Variants in SYNJ2 observed in about 807,000 individuals in gnomAD.
SYNJ2 encodes the protein synaptojanin 2.
SYNJ2 carries 116 observed loss-of-function variants against 141.3 expected under a neutral mutation model. The observed-to-expected ratio is 0.82, with a 90% CI of 0.71 to 0.96. The LOEUF is 0.96. Among genes scored for constraint, SYNJ2 ranks in the 40% least tolerant of loss-of-function variants. The pLI is 0.00. For missense variants in SYNJ2, 1,873 were observed against 1,934.8 expected (o/e 0.97, Z 0.60); for synonymous variants, 745 against 777.7 (o/e 0.96, Z 0.70).
chr6:158,035,310 T>G (rs1194412065), intron 4 of SYNJ2, among the ~76,000 whole-genome samples: 1 of 152,250 alleles, frequency 6.6e-6, no homozygotes. Flanking sequence ...TTCTTATCCA[T>G]GAGGATGGAA....
chr6:158,042,545 C>G (rs74399203), intron 4 of SYNJ2, among the ~76,000 whole-genome samples: 2 of 152,262 alleles, frequency 1.3e-5, no homozygotes, highest in African/African-American at 2.4e-5. Context: ...GCCGCCTGCC[C>G]CTGCTGGCGC....
In SYNJ2 at chr6:158,098,466, CAAATT is replaced by C. The variant is rs1172612327; in HGVS notation, c.*2103_*2107del. On this transcript the variant is annotated 3_prime_UTR_variant, in exon 27 of 27. Coordinates refer to ENST00000355585, the MANE Select transcript of SYNJ2 (RefSeq NM_003898.4). ...TTAAATATTATTTGATCGTGGCTGT[CAAATT>C]TAGTGAACAACATAGATTGGATTTG... 2 of 149,968 alleles carry C rather than the reference CAAATT, an allele frequency of 1.3e-5. No individual in the cohort carries two copies. The highest frequency in any genetic ancestry group is 3.0e-5 in the Non-Finnish European group (2 of 67,766). The allele number at this position is 149,968 out of a possible 1,614,324, so 9.3% of individuals were successfully genotyped here. A position where few individuals can be genotyped will look rare whatever the true frequency, so the allele number is the denominator to read the frequency against.
intron 22 of SYNJ2, among the ~76,000 whole-genome samples, chr6:158,085,024 C>CT (rs751916726): frequency 0.13 from 18,300 of 141,972 alleles, 1,379 homozygotes; most frequent in African/African-American, 0.21. Context: ...AATAATACAA[C>CT]TTTTTTTTTT....
rs1783788545 is a variant in SYNJ2, at chr6:158,096,143, C to A, written c.4270C>A (p.Leu1424Met). Residue 1424 changes from leucine to methionine, a missense_variant, in exon 27 of 27, where the codon CTG becomes ATG. By Grantham distance (15) the Leu-to-Met change is conservative. Coordinates refer to ENST00000355585, the MANE Select transcript of SYNJ2 (RefSeq NM_003898.4). ...CTGGAACCTTCTTCACCACCCTAAACTGTTGAATAACACTTGGCTTTCTAA... is the reference window on the plus strand; with the variant it reads ...CTGGAACCTTCTTCACCACCCTAAAATGTTGAATAACACTTGGCTTTCTAA... ...PFWNLLHHPK[L>M]LNNTWLSKSS... 1 of 1,614,250 alleles carries A rather than the reference C, an allele frequency of 6.2e-7. No individual in the cohort carries two copies. The highest frequency in any genetic ancestry group is 8.5e-7 in the Non-Finnish European group (1 of 1,180,044).
intron 1 of SYNJ2, among the ~76,000 whole-genome samples, chr6:158,006,806 G>A (rs1778089206): frequency 6.6e-6 from 1 of 152,180 alleles, no homozygotes; most frequent in Admixed American, 6.5e-5. Context: ...CCAAGTAGCT[G>A]TGATTACAGG....
chr6:158,018,943 C>T (rs1778617077), intron 2 of SYNJ2, among the ~76,000 whole-genome samples: 1 of 152,258 alleles, frequency 6.6e-6, no homozygotes, highest in Non-Finnish European at 1.5e-5. Flanking sequence ...TGGCCCTTGC[C>T]TTCCATGGTG....
intron 21 of SYNJ2, 143 bp downstream of exon 21, chr6:158,083,740 GTT>G: frequency 1.7e-6 from 2 of 1,143,802 alleles, no homozygotes; most frequent in Non-Finnish European, 1.3e-6. Context: ...TGATGAGCAT[GTT>G]TGTATGTGTG....
At chr6:157,998,713 A>G (rs1391395356) in intron 1 of SYNJ2, among the ~76,000 whole-genome samples, 2 of 152,270 alleles carry the variant, frequency 1.3e-5, no homozygotes, top group African/African-American at 4.8e-5. Context: ...TTCTAAGGAA[A>G]GCATCAAACT....
intron 13 of SYNJ2, 138 bp downstream of exon 13, chr6:158,068,866 C>G: frequency 1.2e-6 from 1 of 837,530 alleles, no homozygotes; most frequent in Middle Eastern, 3.7e-4. Flanking sequence ...GTGGGGATCT[C>G]TCACCTGGCT....
chr6:158,086,556 C>T (rs1783047293), intron 22 of SYNJ2, among the ~76,000 whole-genome samples: 1 of 152,192 alleles, frequency 6.6e-6, no homozygotes, highest in Non-Finnish European at 1.5e-5. Context: ...GCAACTGTCT[C>T]CTCCACTCTG....
At chr6:158,012,372 G>A (rs1385593635) in intron 1 of SYNJ2, among the ~76,000 whole-genome samples, 1 of 152,190 alleles carries the variant, frequency 6.6e-6, no homozygotes, top group Non-Finnish European at 1.5e-5. Context: ...CACTCACAGG[G>A]TCCTTAAAAG....
intron 11 of SYNJ2, among the ~76,000 whole-genome samples, 161 bp from the exon 12 acceptor site, chr6:158,066,282 CG>C (rs1781559012): frequency 1.3e-5 from 2 of 152,094 alleles, no homozygotes; most frequent in Non-Finnish European, 2.9e-5. Context: ...CCGTGGTGAC[CG>C]TGGTTTTAAG....
At chr6:158,039,403 C>G (rs1779815500) in intron 4 of SYNJ2, among the ~76,000 whole-genome samples, 1 of 152,182 alleles carries the variant, frequency 6.6e-6, no homozygotes, top group African/African-American at 2.4e-5. Context: ...AGGGAAGCAG[C>G]CCCGTGAGGA....
intron 2 of SYNJ2, among the ~76,000 whole-genome samples, chr6:158,017,997 G>A (rs881751): frequency 0.42 from 63,691 of 152,110 alleles, 13,838 homozygotes; most frequent in African/African-American, 0.52. Flanking sequence ...TGAAGACAGG[G>A]ACCAGGGCAG....
intron 1 of SYNJ2, among the ~76,000 whole-genome samples, chr6:158,012,865 A>G (rs925270411): frequency 5.9e-5 from 9 of 152,180 alleles, no homozygotes; most frequent in Admixed American, 3.3e-4. Context: ...TTAGTCCTCA[A>G]GACGAGGGGC....
At chr6:158,077,924 A>T in intron 17 of SYNJ2, 1 of 307,566 alleles carries the variant, frequency 3.3e-6, no homozygotes, top group Non-Finnish European at 6.2e-6. Flanking sequence ...TACAGTGGGC[A>T]TGCTGGCGAG....
chr6:157,982,257 G>A lies in SYNJ2; in HGVS notation c.127+169G>A, dbSNP rs1777042094. On this transcript the variant is annotated intron_variant, in intron 1 of 26. Transcript: ENST00000355585. This position sits in a 1 kb window ranked among gnomAD's most constrained non-coding sequence, Gnocchi z 4.0. ...GCTGTTTGAATGAAGTGGGGCTGGG[G>A]ACTCGAGAGAGCACTCTGGCTGGGC... Among the ~76,000 whole-genome samples, 1 of 152,152 alleles carries A rather than the reference G, an allele frequency of 6.6e-6. No homozygotes were observed. The highest frequency in any genetic ancestry group is 2.1e-4 in the South Asian group (1 of 4,832).
rs1444761926 is a variant in SYNJ2 at position 158,078,236 on chromosome 6, C to T, written c.2522C>T (p.Ala841Val). 2 of 1,613,802 alleles carry T rather than the reference C, an allele frequency of 1.2e-6. No individual in the cohort carries two copies. Among genetic ancestry groups the T allele is most frequent in the South Asian group, 2.2e-5 (2 of 91,078 alleles). ...TKVRHTWSPGALQYYGRAELQ... is the reference protein window; with the variant it reads ...TKVRHTWSPGVLQYYGRAELQ... The stretch of plus-strand genomic sequence containing the variant: ...GTCAGACACACCTGGTCTCCTGGTG[C>T]CCTGCAGTATTATGGTCGTGCGGAG... The change falls in exon 18 of 27, where the codon GCC becomes GTC. Residue 841 changes from alanine (A) to valine (V), a missense_variant. Coordinates refer to ENST00000355585, the MANE Select transcript of SYNJ2 (RefSeq NM_003898.4).
At chr6:158,076,486 G>T in intron 16 of SYNJ2, 140 bp from the exon 17 acceptor site, 1 of 999,040 alleles carries the variant, frequency 1.0e-6, no homozygotes, top group Non-Finnish European at 1.4e-6. Context: ...CATATGTCCA[G>T]TTTCAGATAG....
Sources: allele counts gnomAD v4.1 joint callset (sites outside exome capture counted in the v4.1 genomes callset), GRCh38; gene constraint gnomAD v4.1.1; non-coding constraint Gnocchi (gnomAD v3.1); transcripts MANE v1.5; gene names NCBI Gene and HGNC (gene_info 2026-07-23, HGNC 2026-07-21).